The following ABCG1 variants were observed in gnomAD, a reference collection of about 807,000 sequenced individuals.
The protein encoded by ABCG1 is ATP-binding cassette sub-family G member 1.
In ABCG1, 29 loss-of-function variants were observed where a neutral mutation model predicts 69.2. That is an observed-to-expected ratio of 0.42 (90% CI 0.31 to 0.57). ABCG1 has a LOEUF of 0.57. ABCG1 is among the 20% of genes least tolerant of loss of function. The probability of loss-of-function intolerance (pLI) is 0.15; values close to 1 mark genes in which losing one functional copy is unlikely to be tolerated. For missense variants in ABCG1, 718 were observed against 898.1 expected (o/e 0.80, Z 2.56); for synonymous variants, 370 against 374.8 (o/e 0.99, Z 0.15).
At chr21:42,220,932 C>T (rs1471242227) in intron 1 of ABCG1, among the ~76,000 whole-genome samples, 1 of 152,076 alleles carries the variant, frequency 6.6e-6, no homozygotes, top group East Asian at 1.9e-4. Context: ...GTGGGTTTTC[C>T]TATAATGGAC....
intron 2 of ABCG1, among the ~76,000 whole-genome samples, chr21:42,261,611 A>G (rs959323572): frequency 3.3e-5 from 5 of 152,120 alleles, no homozygotes; most frequent in Non-Finnish European, 5.9e-5. Context: ...GCTTGTGAGG[A>G]GACGCATTGC....
At chr21:42,227,963 G>A (rs750769762) in intron 2 of ABCG1, among the ~76,000 whole-genome samples, 2 of 152,060 alleles carry the variant, frequency 1.3e-5, no homozygotes, top group African/African-American at 2.4e-5. Flanking sequence ...CACACCTCTC[G>A]CCCAGTCCCT....
At position 42,225,700 on chromosome 21, in the gene ABCG1, G is replaced by C. The variant is rs371780001; in HGVS notation, c.72G>C (p.Thr24=). 1 of 1,613,482 alleles carries C rather than the reference G, an allele frequency of 6.2e-7. No homozygotes were observed. The highest frequency in any genetic ancestry group is 1.7e-5 in the Admixed American group (1 of 59,950). Residue 24 remains threonine (T), a synonymous_variant, in exon 2 of 15, where the codon ACG becomes ACC. Transcript: ENST00000398449. ...CCAGCAGTTACTCTGCAGAGATGAC[G>C]GAGCCCAAGTCGGTGTGTGTCTCGG... ...MNASSYSAEM[T]EPKSVCVSVD...
rs535703444 is a variant in ABCG1 at position 42,245,976 on chromosome 21, C to T, written c.286+20062C>T. On this transcript the variant is annotated intron_variant, in intron 2 of 14. Coordinates refer to ENST00000398449, the MANE Select transcript of ABCG1 (RefSeq NM_016818.3). Reference sequence around the variant, plus strand: ...TTCTTCCTCGGAATGGCCTGGAATTCGATCAAGAACAGCAGCCCCAGGAGC... The same window carrying T: ...TTCTTCCTCGGAATGGCCTGGAATTTGATCAAGAACAGCAGCCCCAGGAGC... 1.6e-3 allele frequency among the ~76,000 whole-genome samples: 245 copies of T among 152,126 alleles called. 7 individuals are homozygous for T. Among genetic ancestry groups the T allele is most frequent in the South Asian group, 2.1e-4 (1 of 4,822 alleles).
At chr21:42,293,184 CACT>C (rs2146352167) in intron 13 of ABCG1, among the ~76,000 whole-genome samples, 1 of 146,304 alleles carries the variant, frequency 6.8e-6, no homozygotes, top group African/African-American at 2.6e-5. Flanking sequence ...ACACACACCA[CACT>C]ACACACTACA....
In ABCG1 at chr21:42,273,158, T is replaced by A. The variant is rs1488006670; in HGVS notation, c.405-145T>A. On this transcript the variant is annotated intron_variant, in intron 3 of 14. Coordinates refer to ENST00000398449, the MANE Select transcript of ABCG1 (RefSeq NM_016818.3). This position sits in a 1 kb window ranked among gnomAD's most constrained non-coding sequence, Gnocchi z 5.3. ...GTGCTAGCGAGGTCCGGTCCCTTTC[T>A]GCCCCTCGGGGTCCCCGTGGCCAGT... 6.4e-6 allele frequency: 7 copies of A among 1,088,606 alleles called. No homozygotes were observed. The East Asian group carries it at 1.5e-4, about 23-fold the overall frequency. 67.4% of individuals were successfully genotyped at this position (1,088,606 alleles called of 1,614,324 possible). A position where few individuals can be genotyped will look rare whatever the true frequency, so the allele number is the denominator to read the frequency against.
At chr21:42,238,096 G>A (rs225443) in intron 2 of ABCG1, among the ~76,000 whole-genome samples, 59,394 of 152,048 alleles carry the variant, frequency 0.39, 12,032 homozygotes, top group African/African-American at 0.5. Context: ...ATTGATTTTC[G>A]TGTTCCTGGT....
At chr21:42,214,687 C>G (rs899067481), upstream of ABCG1, among the ~76,000 whole-genome samples, 1 of 152,252 alleles carries the variant, frequency 6.6e-6, no homozygotes, top group African/African-American at 2.4e-5. Flanking sequence ...TTCCTACTTA[C>G]ACTTGGGGCA....
At chr21:42,239,472 G>A (rs2068020166) in intron 2 of ABCG1, among the ~76,000 whole-genome samples, 1 of 152,268 alleles carries the variant, frequency 6.6e-6, no homozygotes, top group Non-Finnish European at 1.5e-5. Flanking sequence ...AAGGGAAAGA[G>A]CAAGGGTATA....
chr21:42,235,344 C>T (rs1443937319), intron 2 of ABCG1, among the ~76,000 whole-genome samples: 1 of 152,176 alleles, frequency 6.6e-6, no homozygotes, highest in African/African-American at 2.4e-5. Flanking sequence ...TCAGCTGCGT[C>T]GGGGGACTGC....
chr21:42,230,229 T>A (rs1018877634), intron 2 of ABCG1, among the ~76,000 whole-genome samples: 2 of 152,224 alleles, frequency 1.3e-5, no homozygotes, highest in Non-Finnish European at 2.9e-5. Flanking sequence ...ATATGACTAA[T>A]GATGTCTTTG....
chr21:42,282,541 G>A, intron 6 of ABCG1, 122 bp downstream of exon 6: 1 of 1,203,492 alleles, frequency 8.3e-7, no homozygotes, highest in Non-Finnish European at 1.1e-6. Flanking sequence ...AGCTCACCCG[G>A]CGGTTCCTCC....
chr21:42,287,891 A>T lies in ABCG1; in HGVS notation c.976A>T (p.Met326Leu). 6.3e-7 allele frequency: 1 copy of T among 1,582,056 alleles called. No individual in the cohort carries two copies. Among genetic ancestry groups the T allele is most frequent in the Non-Finnish European group, 8.6e-7 (1 of 1,161,582 alleles). The stretch of plus-strand genomic sequence containing the variant: ...ACCCCCGTCTGTGTCTCCTGCAGTC[A>T]TGGAGGTTGCATCCGGCGAGTACGG... ...PTYHNPADFV[M>L]EVASGEYGDQ... The change falls in exon 9 of 15, where the codon ATG becomes TTG. Residue 326 changes from methionine (M) to leucine (L), a missense_variant and splice_region_variant. Met to Leu is a conservative substitution (Grantham distance 15). Transcript: ENST00000398449. This position sits in a 1 kb window ranked among gnomAD's most constrained non-coding sequence, Gnocchi z 6.2.
intron 2 of ABCG1, among the ~76,000 whole-genome samples, chr21:42,269,970 G>A (rs538264841): frequency 7.2e-5 from 11 of 152,260 alleles, no homozygotes; most frequent in South Asian, 2.1e-4. Context: ...ATACTACACT[G>A]AGAAGTGCCC....
intron 2 of ABCG1, among the ~76,000 whole-genome samples, chr21:42,248,660 G>A (rs1288292110): frequency 6.6e-6 from 1 of 152,050 alleles, no homozygotes; most frequent in Non-Finnish European, 1.5e-5. Flanking sequence ...GGCCGAGGCG[G>A]GTGAATTGTT....
At chr21:42,248,841 T>C (rs1159086313) in intron 2 of ABCG1, among the ~76,000 whole-genome samples, 4 of 147,726 alleles carry the variant, frequency 2.7e-5, no homozygotes, top group Non-Finnish European at 5.9e-5. Context: ...GAGATTGAGG[T>C]TGCGGTGAGC....
upstream of ABCG1, among the ~76,000 whole-genome samples, chr21:42,213,344 C>A (rs957762767): frequency 5.3e-5 from 8 of 152,258 alleles, no homozygotes; most frequent in African/African-American, 1.9e-4. Flanking sequence ...AAACCTTGGG[C>A]TTCTGTGCAG....
chr21:42,249,553 G>A (rs982767705), intron 2 of ABCG1, among the ~76,000 whole-genome samples: 3 of 152,170 alleles, frequency 2.0e-5, no homozygotes, highest in South Asian at 2.1e-4. Flanking sequence ...TCTGTGTTGA[G>A]AATTAAGTGA....
chr21:42,281,243 A>C (rs1246158167), intron 5 of ABCG1, among the ~76,000 whole-genome samples: 1 of 152,094 alleles, frequency 6.6e-6, no homozygotes, highest in Non-Finnish European at 1.5e-5. Flanking sequence ...TCCGCTTGCT[A>C]TGGCTCCCAG....
Sources: gnomAD v4.1 joint callset for allele counts (sites outside exome capture counted in the v4.1 genomes callset) on GRCh38, gnomAD v4.1.1 for gene constraint, Gnocchi (gnomAD v3.1) non-coding constraint, MANE v1.5 for transcripts, NCBI Gene and HGNC (gene_info 2026-07-23, HGNC 2026-07-21) for gene names.